SBNO2: variants seen among roughly 807,000 people sequenced by gnomAD.
SBNO2 encodes the protein protein strawberry notch homolog 2.
Under a neutral mutation model 146.3 loss-of-function variants are expected in SBNO2, and 89 were observed. The ratio of observed to expected loss-of-function variants is 0.61; its 90% confidence interval spans 0.51 to 0.73. The LOEUF (loss-of-function observed/expected upper bound fraction) is 0.73, where lower values mean the gene tolerates loss of function less well. Ranked by LOEUF, SBNO2 falls within the 30% of genes least tolerant of loss-of-function variation. The pLI is 0.00. For missense variants in SBNO2, 2,092 were observed against 2,003.7 expected (o/e 1.04, Z -0.84); for synonymous variants, 1,147 against 892.6 (o/e 1.29, Z -5.08).
intron 1 of SBNO2, among the ~76,000 whole-genome samples, chr19:1,160,805 C>T (rs1041685618): frequency 1.3e-5 from 2 of 152,134 alleles, no homozygotes; most frequent in African/African-American, 4.8e-5. Context: ...GCTGGAATTA[C>T]AGGCGTGAGC....
In SBNO2 at chr19:1,123,173, T is replaced by C. The variant is rs568185391; in HGVS notation, c.629-128A>G. 6.4e-6 allele frequency: 7 copies of C among 1,087,262 alleles called. No homozygotes were observed. The Admixed American group carries it at 8.5e-5, about 13-fold the overall frequency. The allele number at this position is 1,087,262 out of a possible 1,614,324, so 67.4% of individuals were successfully genotyped here. A position where few individuals can be genotyped will look rare whatever the true frequency, so the allele number is the denominator to read the frequency against. On this transcript the variant is annotated intron_variant, in intron 7 of 31. Coordinates refer to ENST00000361757, the MANE Select transcript of SBNO2 (RefSeq NM_014963.3). ...GGGGCAGTTTGGGGGCGTGGCCAGGTCCCGTTGGGCGGGTCATGGGCGTGG... is the reference window on the plus strand; with the variant it reads ...GGGGCAGTTTGGGGGCGTGGCCAGGCCCCGTTGGGCGGGTCATGGGCGTGG...
At position 1,122,884 on chromosome 19, in the gene SBNO2, A is replaced by G. The variant is rs946846232; in HGVS notation, c.780+10T>C. ...ACACAGGCTGGGCTGGGTTGGGGAC[A>G]TGCGGTCACCTGGCAGGCGTAGGTG... On this transcript the variant is annotated intron_variant, in intron 8 of 31. Coordinates refer to ENST00000361757, the MANE Select transcript of SBNO2 (RefSeq NM_014963.3). The G allele has an allele frequency of 1.4e-5, 22 of 1,542,446 alleles. No homozygotes were observed. Among genetic ancestry groups the G allele is most frequent in the Non-Finnish European group, 1.9e-5 (22 of 1,144,214 alleles).
intron 13 of SBNO2, 60 bp from the exon 14 acceptor site, chr19:1,119,224 G>T: frequency 6.5e-7 from 1 of 1,536,636 alleles, no homozygotes; most frequent in Non-Finnish European, 8.8e-7. Context: ...GAGCCACTCG[G>T]AGCGCGAGGC....
intron 2 of SBNO2, 122 bp from the exon 3 acceptor site, chr19:1,149,564 C>G (rs2080224039): frequency 1.2e-6 from 1 of 839,694 alleles, no homozygotes; most frequent in Non-Finnish European, 1.9e-6. Flanking sequence ...AGGGTCCCAT[C>G]CCGCCCCTGC....
Position 1,110,948 on chromosome 19 carries a change from C to T in SBNO2, c.2885-60G>A, listed in dbSNP as rs1014315953. ...TGGGAATCCCTCTCCCTGCTTTGCTCACCACCCGAGGCCAAGGTTGCATGA... is the reference window on the plus strand; with the variant it reads ...TGGGAATCCCTCTCCCTGCTTTGCTTACCACCCGAGGCCAAGGTTGCATGA... On this transcript the variant is annotated intron_variant, in intron 25 of 31. Coordinates refer to ENST00000361757, the MANE Select transcript of SBNO2 (RefSeq NM_014963.3). The surrounding 1 kb of genome is among the most constrained non-coding windows in gnomAD (Gnocchi z 4.9). The T allele has an allele frequency of 2.3e-5, 37 of 1,610,582 alleles. No homozygotes were observed. In the Middle Eastern group the frequency reaches 1.2e-3, roughly 50 times the overall value.
rs2080313909 is a variant in SBNO2 at position 1,158,564 on chromosome 19, C to T, written c.-126-4162G>A. 6.6e-6 allele frequency among the ~76,000 whole-genome samples: 1 copy of T among 152,218 alleles called. No homozygotes were observed. Among genetic ancestry groups the T allele is most frequent in the Non-Finnish European group, 1.5e-5 (1 of 68,034 alleles). On this transcript the variant is annotated intron_variant, in intron 1 of 31. Coordinates refer to ENST00000361757, the MANE Select transcript of SBNO2 (RefSeq NM_014963.3). The surrounding 1 kb of genome is among the most constrained non-coding windows in gnomAD (Gnocchi z 9.9). ...AGGCCCGGGTTCTGGTCTCCTGGCA[C>T]ACCCGGCAGCATCTCAAGGCCTGCG...
Position 1,107,992 on chromosome 19 carries a change from G to A in SBNO2, c.*228C>T, listed in dbSNP as rs943319152. On this transcript the variant is annotated 3_prime_UTR_variant, in exon 32 of 32. Coordinates refer to ENST00000361757, the MANE Select transcript of SBNO2 (RefSeq NM_014963.3). Reference sequence around the variant, plus strand: ...GCCACCCGGAGCCCCTTCCTACTTGGGAGGAGAGGCACAGAGAGGGCCCTG... The same window carrying A: ...GCCACCCGGAGCCCCTTCCTACTTGAGAGGAGAGGCACAGAGAGGGCCCTG... The A allele has an allele frequency of 4.1e-5, 14 of 344,336 alleles. No homozygotes were observed. The highest frequency in any genetic ancestry group is 8.9e-5 in the African/African-American group (4 of 45,176). The allele number at this position is 344,336 out of a possible 1,614,324, so 21.3% of individuals were successfully genotyped here. A position where few individuals can be genotyped will look rare whatever the true frequency, so the allele number is the denominator to read the frequency against.
At position 1,122,576 on chromosome 19, in the gene SBNO2, C is replaced by G; in HGVS notation, c.915-18G>C. ...CGCTGAACCTGCGGGGTGGGGGCGT[C>G]AGGCGCGCCCACCCTTCCCCCTCGC... On this transcript the variant is annotated intron_variant, in intron 9 of 31. Transcript: ENST00000361757. 1.4e-5 allele frequency: 21 copies of G among 1,524,750 alleles called. No individual in the cohort carries two copies. Among genetic ancestry groups the G allele is most frequent in the Non-Finnish European group, 1.8e-5 (21 of 1,135,890 alleles). 94.5% of individuals were successfully genotyped at this position (1,524,750 alleles called of 1,614,324 possible). A position where few individuals can be genotyped will look rare whatever the true frequency, so the allele number is the denominator to read the frequency against.
intron 13 of SBNO2, 44 bp from the exon 14 acceptor site, chr19:1,119,208 G>T: frequency 2.6e-6 from 4 of 1,560,578 alleles, no homozygotes; most frequent in Non-Finnish European, 2.6e-6. Flanking sequence ...AGAGCCCGTG[G>T]GGATGGAGCC....
chr19:1,109,846 C>G lies in SBNO2; in HGVS notation c.3029-69G>C, dbSNP rs560569632. On this transcript the variant is annotated intron_variant, in intron 26 of 31. Transcript: ENST00000361757. The surrounding 1 kb of genome is among the most constrained non-coding windows in gnomAD (Gnocchi z 4.2). Reference sequence around the variant, plus strand: ...TGTGGGCTGGGGCCAGGGTCAGTCCCGTAGCCGGGGCGCACCCTAGAGACG... The same window carrying G: ...TGTGGGCTGGGGCCAGGGTCAGTCCGGTAGCCGGGGCGCACCCTAGAGACG... 1 of 1,245,822 alleles carries G rather than the reference C, an allele frequency of 8.0e-7. No individual in the cohort carries two copies. The highest frequency in any genetic ancestry group is 1.1e-6 in the Non-Finnish European group (1 of 888,916). The allele number at this position is 1,245,822 out of a possible 1,614,324, so 77.2% of individuals were successfully genotyped here.
chr19:1,112,358 T>TTGGGGGCGGGGCCAGGCAGCGC lies in SBNO2; in HGVS notation c.2515+22_2515+43dup. 2 of 1,570,374 alleles carry TTGGGGGCGGGGCCAGGCAGCGC rather than the reference T, an allele frequency of 1.3e-6. No homozygotes were observed. The highest frequency in any genetic ancestry group is 1.3e-5 in the African/African-American group (1 of 74,216). ...AGGCGGGGGCGGGGCCGAGACCATG[T>TTGGGGGCGGGGCCAGGCAGCGC]TGGGGGCGGGGCCAGGCAGCGCTGG... On this transcript the variant is annotated intron_variant, in intron 21 of 31. Coordinates refer to ENST00000361757, the MANE Select transcript of SBNO2 (RefSeq NM_014963.3). The surrounding 1 kb of genome is among the most constrained non-coding windows in gnomAD (Gnocchi z 5.9).
In SBNO2 at chr19:1,122,203, C is replaced by T; in HGVS notation, c.1085G>A (p.Gly362Asp). 1 of 1,558,518 alleles carries T rather than the reference C, an allele frequency of 6.4e-7. No homozygotes were observed. The highest frequency in any genetic ancestry group is 8.7e-7 in the Non-Finnish European group (1 of 1,152,414). Residue 362 changes from glycine to aspartate, a missense_variant, in exon 11 of 32, where the codon GGC (glycine) becomes GAC (aspartate). Coordinates refer to ENST00000361757, the MANE Select transcript of SBNO2 (RefSeq NM_014963.3). Reference protein sequence around the residue: ...YSALIGESQAGGQHRTRLRQI... With the variant: ...YSALIGESQADGQHRTRLRQI... ...CCGGAGGCGAGTGCGGTGCTGGCCGCCGGCCTGGCTCTCCCCAATCAGGGC... is the reference window on the plus strand; with the variant it reads ...CCGGAGGCGAGTGCGGTGCTGGCCGTCGGCCTGGCTCTCCCCAATCAGGGC...
chr19:1,117,595 C>T, intron 14 of SBNO2, 96 bp from the exon 15 acceptor site: 1 of 1,305,774 alleles, frequency 7.7e-7, no homozygotes, highest in Non-Finnish European at 1.0e-6. Context: ...CAAGGCATCC[C>T]CACGCCAGGT....
chr19:1,112,661 GC>G lies in SBNO2; in HGVS notation c.2380-125del, dbSNP rs2079779583. 4 of 1,441,094 alleles carry G rather than the reference GC, an allele frequency of 2.8e-6. No homozygotes were observed. In the South Asian group the frequency reaches 5.6e-5, roughly 20 times the overall value. 89.3% of individuals were successfully genotyped at this position (1,441,094 alleles called of 1,614,324 possible). A position where few individuals can be genotyped will look rare whatever the true frequency, so the allele number is the denominator to read the frequency against. Reference sequence around the variant, plus strand: ...GACGTCCCGGGGCAGCGAGAGGCCTGCGGGGCGCGGACACCACCCGCCACAC... The same window carrying G: ...GACGTCCCGGGGCAGCGAGAGGCCTGGGGGCGCGGACACCACCCGCCACAC... On this transcript the variant is annotated intron_variant, in intron 20 of 31. Transcript: ENST00000361757. The surrounding 1 kb of genome is among the most constrained non-coding windows in gnomAD (Gnocchi z 5.9).
rs939152314 is a variant in SBNO2, at chr19:1,158,699, C to T, written c.-126-4297G>A. ...AGGCCACCGCACAGTCCCTGGAGGC[C>T]GCATTACCTCAGCCGAGGTTCTCCG... is the stretch of plus-strand genomic sequence containing the variant. On this transcript the variant is annotated intron_variant, in intron 1 of 31. Coordinates refer to ENST00000361757, the MANE Select transcript of SBNO2 (RefSeq NM_014963.3). The surrounding 1 kb of genome is among the most constrained non-coding windows in gnomAD (Gnocchi z 9.9). Among the ~76,000 whole-genome samples the T allele has an allele frequency of 1.3e-5, 2 of 152,166 alleles. No homozygotes were observed. The highest frequency in any genetic ancestry group is 2.4e-5 in the African/African-American group (1 of 41,436).
intron 4 of SBNO2, among the ~76,000 whole-genome samples, chr19:1,145,032 G>GGGAGAC (rs2145291391): frequency 6.7e-6 from 1 of 150,306 alleles, no homozygotes; most frequent in South Asian, 2.1e-4. Flanking sequence ...GAGGCAGAGA[G>GGGAGAC]AGAGACAGAG....
chr19:1,158,063 G>A lies in SBNO2; in HGVS notation c.-126-3661C>T, dbSNP rs538724786. ...CTCTCTCCTGAGTCCGGGTAACTGC[G>A]GCCGCCTCCCGCCTCTTTCTTCTGA... On this transcript the variant is annotated intron_variant, in intron 1 of 31. Coordinates refer to ENST00000361757, the MANE Select transcript of SBNO2 (RefSeq NM_014963.3). The surrounding 1 kb of genome is among the most constrained non-coding windows in gnomAD (Gnocchi z 9.9). Among the ~76,000 whole-genome samples the A allele has an allele frequency of 3.4e-3, 500 of 147,050 alleles. 4 individuals carry two copies. The highest frequency in any genetic ancestry group is 0.031 in the Middle Eastern group (9 of 290).
intron 1 of SBNO2, among the ~76,000 whole-genome samples, chr19:1,170,606 G>A (rs922314390): frequency 2.0e-5 from 3 of 152,060 alleles, no homozygotes; most frequent in South Asian, 4.1e-4. Context: ...AGGCCTGCCC[G>A]CAACAAATCA....
At position 1,158,189 on chromosome 19, in the gene SBNO2, G is replaced by A. The variant is rs1252861557; in HGVS notation, c.-126-3787C>T. Among the ~76,000 whole-genome samples, 1 of 152,208 alleles carries A rather than the reference G, an allele frequency of 6.6e-6. No individual in the cohort carries two copies. The highest frequency in any genetic ancestry group is 2.4e-5 in the African/African-American group (1 of 41,456). ...CCTGATGTTCAGAACTGGCCACTGT[G>A]CGGACCCTCCCCCTGGGGGTCCCTG... On this transcript the variant is annotated intron_variant, in intron 1 of 31. Transcript: ENST00000361757. The surrounding 1 kb of genome is among the most constrained non-coding windows in gnomAD (Gnocchi z 9.9).
Sources: allele counts gnomAD v4.1 joint callset (sites outside exome capture counted in the v4.1 genomes callset), GRCh38; gene constraint gnomAD v4.1.1; non-coding constraint Gnocchi (gnomAD v3.1); transcripts MANE v1.5; gene names NCBI Gene and HGNC (gene_info 2026-07-23, HGNC 2026-07-21).